The following SBF1 variants were observed in gnomAD, a reference collection of about 807,000 sequenced individuals.
SBF1 encodes the protein myotubularin-related protein 5.
Under a neutral mutation model 215.8 loss-of-function variants are expected in SBF1, and 65 were observed. The observed-to-expected ratio is 0.30, with a 90% CI of 0.25 to 0.37. The LOEUF is 0.37. Among genes scored for constraint, SBF1 ranks in the 10% least tolerant of loss-of-function variants. SBF1 has a pLI of 1.00. For missense variants in SBF1, 2,634 were observed against 2,667.8 expected, an observed-to-expected ratio of 0.99 and a Z score of 0.28; for synonymous variants, 1,410 against 1,122.8, an observed-to-expected ratio of 1.26 and a Z score of -5.11.
intron 1 of SBF1, among the ~76,000 whole-genome samples, chr22:50,470,175 A>T (rs561909347): frequency 1.3e-5 from 2 of 151,550 alleles, no homozygotes; most frequent in African/African-American, 4.8e-5. Context: ...TTGGCCCCAA[A>T]CCACCATCTG....
chr22:50,447,798 C>G (rs1272222690), intron 38 of SBF1, among the ~76,000 whole-genome samples, 189 bp from the exon 39 acceptor site: 1 of 152,192 alleles, frequency 6.6e-6, no homozygotes, highest in Non-Finnish European at 1.5e-5. Flanking sequence ...GGCTGCAGGC[C>G]CAAGAAGACG....
At chr22:50,453,517 G>A (rs947120946) in intron 36 of SBF1, among the ~76,000 whole-genome samples, 3 of 152,226 alleles carry the variant, frequency 2.0e-5, no homozygotes, top group Admixed American at 1.3e-4. Flanking sequence ...GCCAGGCACG[G>A]TGGCTCACGC....
intron 31 of SBF1, 173 bp from the exon 32 acceptor site, chr22:50,455,755 G>A: frequency 1.6e-6 from 1 of 622,526 alleles, no homozygotes; most frequent in Non-Finnish European, 2.8e-6. Context: ...CTCTGGGTGT[G>A]CCGACCACCG....
Position 50,446,942 on chromosome 22 carries a change from G to A in SBF1, c.*200C>T, listed in dbSNP as rs1322414561. The stretch of plus-strand genomic sequence containing the variant: ...TGTACCTTGGCCACCTCCCGGCACG[G>A]TGCTCAGCTGTGACGCCAAAATAAG... On this transcript the variant is annotated 3_prime_UTR_variant, in exon 41 of 41. Coordinates refer to ENST00000380817, the MANE Select transcript of SBF1 (RefSeq NM_002972.4). 10 of 707,960 alleles carry A rather than the reference G, an allele frequency of 1.4e-5. No homozygotes were observed. Among genetic ancestry groups the A allele is most frequent in the East Asian group, 5.3e-5 (2 of 37,800 alleles). The allele number at this position is 707,960 out of a possible 1,614,324, so 43.9% of individuals were successfully genotyped here.
At position 50,464,658 on chromosome 22, in the gene SBF1, G is replaced by T; in HGVS notation, c.1512C>A (p.Pro504=). Residue 504 remains proline (P), a synonymous_variant, in exon 14 of 41, where the codon CCC becomes CCA. Transcript: ENST00000380817. ...ESSHLRRVPR[P]FPRLDEGTVQ... ...CGGTGCCCTCATCCAGCCGGGGGAA[G>T]GGTCGGGGCACCCGTCGCAGGTGGC... 2 of 1,608,732 alleles carry T rather than the reference G, an allele frequency of 1.2e-6. No individual in the cohort carries two copies. Among genetic ancestry groups the T allele is most frequent in the Non-Finnish European group, 8.5e-7 (1 of 1,179,766 alleles).
chr22:50,467,252 T>C (rs997469026), intron 5 of SBF1, 86 bp downstream of exon 5: 21 of 1,100,852 alleles, frequency 1.9e-5, no homozygotes, highest in Non-Finnish European at 2.8e-5. Flanking sequence ...CAGCTGTGTG[T>C]GGCTCTGGCT....
At chr22:50,467,268 C>T (rs1341743836) in intron 5 of SBF1, 70 bp downstream of exon 5, 3 of 1,346,164 alleles carry the variant, frequency 2.2e-6, no homozygotes, top group East Asian at 2.3e-5. Flanking sequence ...TGGCTGGGCT[C>T]CAAATACCTA....
In SBF1 at chr22:50,466,682, C is replaced by T. The variant is rs768921617; in HGVS notation, c.578G>A (p.Arg193Gln). ...GGCCAGTGGAGTCTGGATGACCTGC[C>T]GGTCACCAGCCCCCAAAGAGATCGT... ...QRTISLGAGDRQVIQTPLADS... is the reference protein window; with the variant it reads ...QRTISLGAGDQQVIQTPLADS... The change falls in exon 6 of 41, where the codon CGG becomes CAG. Residue 193 changes from arginine (R) to glutamine (Q), a missense_variant. Coordinates refer to ENST00000380817, the MANE Select transcript of SBF1 (RefSeq NM_002972.4). The T allele has an allele frequency of 2.0e-5, 31 of 1,545,148 alleles. No individual in the cohort carries two copies. The highest frequency in any genetic ancestry group is 9.6e-5 in the South Asian group (8 of 83,704).
chr22:50,452,473 C>A (rs898728401), intron 36 of SBF1, among the ~76,000 whole-genome samples: 1 of 152,062 alleles, frequency 6.6e-6, no homozygotes, highest in Non-Finnish European at 1.5e-5. Context: ...AATCCCAGCA[C>A]TTTGCAAGGC....
At position 50,460,675 on chromosome 22, in the gene SBF1, T is replaced by C; in HGVS notation, c.3005A>G (p.Asp1002Gly). ...CTGCTTACGGAAGAGCTCGGCGCTGTCAGACCCCACCTCCTCGTCAAAGGC... is the reference window on the plus strand; with the variant it reads ...CTGCTTACGGAAGAGCTCGGCGCTGCCAGACCCCACCTCCTCGTCAAAGGC... The part of the protein sequence containing the change: ...KMAFDEEVGS[D>G]SAELFRKQLH... The change falls in exon 24 of 41, where the codon GAC (aspartate) becomes GGC (glycine). Residue 1002 changes from aspartate (D) to glycine (G), a missense_variant. Asp to Gly is a moderately conservative substitution (Grantham distance 94). Coordinates refer to ENST00000380817, the MANE Select transcript of SBF1 (RefSeq NM_002972.4). 1.2e-6 allele frequency: 2 copies of C among 1,613,738 alleles called. No homozygotes were observed.
Position 50,474,955 on chromosome 22 carries a change from T to C in SBF1, c.-115A>G, listed in dbSNP as rs1344316892. ...CTGGACCGCGCACCCCGGACACCCC[T>C]GGTTCGCTCCGCGGCGGCGGCGGCG... On this transcript the variant is annotated 5_prime_UTR_variant, in exon 1 of 41. Coordinates refer to ENST00000380817, the MANE Select transcript of SBF1 (RefSeq NM_002972.4). 1.3e-5 allele frequency: 8 copies of C among 638,528 alleles called. No homozygotes were observed. The highest frequency in any genetic ancestry group is 2.3e-5 in the African/African-American group (1 of 43,850). 39.6% of individuals were successfully genotyped at this position (638,528 alleles called of 1,614,324 possible). A position where few individuals can be genotyped will look rare whatever the true frequency, so the allele number is the denominator to read the frequency against.
intron 1 of SBF1, among the ~76,000 whole-genome samples, chr22:50,470,822 T>G (rs528877272): frequency 6.6e-6 from 1 of 152,178 alleles, no homozygotes; most frequent in Non-Finnish European, 1.5e-5. Flanking sequence ...CCCCAGGGAA[T>G]GACAGAACAC....
Position 50,467,708 on chromosome 22 carries a change from GAGA to G in SBF1, c.280-21_280-19del. On this transcript the variant is annotated intron_variant, in intron 3 of 40. Transcript: ENST00000380817. ...GTCGTTTCCTGCTGGGGGTCAGGGG[GAGA>G]CGGGGGCAGGGGGAGTTGGCCACGG... The G allele has an allele frequency of 6.4e-7, 1 of 1,567,522 alleles. No homozygotes were observed. The highest frequency in any genetic ancestry group is 8.7e-7 in the Non-Finnish European group (1 of 1,144,570).
At chr22:50,472,546 TC>T (rs1402592728) in intron 1 of SBF1, among the ~76,000 whole-genome samples, 1 of 152,134 alleles carries the variant, frequency 6.6e-6, no homozygotes, top group Non-Finnish European at 1.5e-5. Context: ...TTCCAGGGCC[TC>T]CTGTGTGCTA....
chr22:50,464,119 G>C (rs1211001759), intron 15 of SBF1, among the ~76,000 whole-genome samples: 1 of 152,192 alleles, frequency 6.6e-6, no homozygotes, highest in African/African-American at 2.4e-5. Context: ...TCCCTGGCTG[G>C]GTCTCCCGCG....
chr22:50,450,806 G>C (rs1437057413), intron 36 of SBF1, among the ~76,000 whole-genome samples: 1 of 151,896 alleles, frequency 6.6e-6, no homozygotes, highest in African/African-American at 2.4e-5. Flanking sequence ...AAGACTCTAA[G>C]CTTAAAGAAA....
At position 50,466,702 on chromosome 22, in the gene SBF1, G is replaced by T; in HGVS notation, c.558C>A (p.Ile186=). 6.5e-7 allele frequency: 1 copy of T among 1,535,564 alleles called. No homozygotes were observed. Among genetic ancestry groups the T allele is most frequent in the Non-Finnish European group, 8.8e-7 (1 of 1,136,974 alleles). ...CCTGCCGGTCACCAGCCCCCAAAGA[G>T]ATCGTCCTCTGCAGCAAAAAAAGGA... ...VPLAGGSQRT[I]SLGAGDRQVI... is the part of the protein sequence containing the mutation. Residue 186 remains isoleucine, a synonymous_variant, in exon 6 of 41, where the codon ATC becomes ATA. Transcript: ENST00000380817.
Position 50,448,353 on chromosome 22 carries a change from A to C in SBF1, c.5243T>G (p.Leu1748Arg), listed in dbSNP as rs2066915871. ...YLQEGPVGST[L>R]SLSLDSDQSS... The stretch of plus-strand genomic sequence containing the variant: ...CTGGTCGCTGTCCAGGCTGAGGCTC[A>C]GGGTGGAGCCCACGGGCCCCTCCTG... The change falls in exon 38 of 41, where the codon CTG becomes CGG. Residue 1748 changes from leucine (L) to arginine (R), a missense_variant. Leu to Arg is a moderately radical substitution (Grantham distance 102, BLOSUM62 -2). Transcript: ENST00000380817. The C allele has an allele frequency of 1.2e-6, 2 of 1,613,758 alleles. No homozygotes were observed. The highest frequency in any genetic ancestry group is 8.5e-7 in the Non-Finnish European group (1 of 1,180,040).
chr22:50,448,015 C>T (rs1253307499), intron 38 of SBF1, among the ~76,000 whole-genome samples: 2 of 152,186 alleles, frequency 1.3e-5, no homozygotes, highest in Non-Finnish European at 2.9e-5. Flanking sequence ...TCCAGACTCA[C>T]GGGGGCCCCA....
Sources: allele counts gnomAD v4.1 joint callset (sites outside exome capture counted in the v4.1 genomes callset), GRCh38; gene constraint gnomAD v4.1.1; transcripts MANE v1.5; gene names NCBI Gene and HGNC (gene_info 2026-07-23, HGNC 2026-07-21).